The following RHBDD1 variants were observed in gnomAD, a reference collection of about 807,000 sequenced individuals.
RHBDD1 encodes rhomboid-related protein 4.
A neutral mutation model predicts 36.3 loss-of-function variants in RHBDD1; 38 were observed. The ratio of observed to expected loss-of-function variants is 1.05; its 90% CI spans 0.81 to 1.37. The LOEUF is 1.37. Among genes scored for constraint, RHBDD1 ranks in the 40% most tolerant of loss-of-function variants. The pLI, the probability that RHBDD1 is intolerant of heterozygous loss-of-function variation, is 0.00. For missense variants in RHBDD1, 393 were observed against 377.6 expected, an observed-to-expected ratio of 1.04 and a Z score of -0.34; for synonymous variants, 151 against 136.5, an observed-to-expected ratio of 1.11 and a Z score of -0.74.
the RHBDD1 span, among the ~76,000 whole-genome samples, chr2:226,821,692 A>G: frequency 6.6e-6 from 1 of 152,086 alleles, no homozygotes; most frequent in African/African-American, 2.4e-5. Context: ...GCAAAGGTGT[A>G]TATTTCATTC....
At chr2:226,926,127 C>A (rs1379726344) in intron 8 of RHBDD1, among the ~76,000 whole-genome samples, 1 of 151,892 alleles carries the variant, frequency 6.6e-6, no homozygotes, top group Non-Finnish European at 1.5e-5. Context: ...CGCCTGTAAT[C>A]CCAGCACTTT....
chr2:226,953,804 T>A (rs1272555374), intron 8 of RHBDD1, among the ~76,000 whole-genome samples: 6 of 152,138 alleles, frequency 3.9e-5, no homozygotes, highest in Non-Finnish European at 7.4e-5. Context: ...TTTTAATGGG[T>A]TCCAGCGATC....
chr2:226,818,490 A>G, the RHBDD1 span, among the ~76,000 whole-genome samples: 8 of 150,916 alleles, frequency 5.3e-5, no homozygotes, highest in Middle Eastern at 3.2e-3. Flanking sequence ...TTATTTGCCA[A>G]CGTTAAACAT....
chr2:226,814,509 A>G, the RHBDD1 span, among the ~76,000 whole-genome samples: 1 of 152,156 alleles, frequency 6.6e-6, no homozygotes, highest in Non-Finnish European at 1.5e-5. Context: ...CACATCTGAG[A>G]TATAGAGTAA....
At chr2:226,898,205 G>A (rs997463810) in intron 5 of RHBDD1, among the ~76,000 whole-genome samples, 4 of 152,152 alleles carry the variant, frequency 2.6e-5, no homozygotes, top group African/African-American at 9.7e-5. Context: ...CAAAGCCATG[G>A]CAGAATGCGA....
intron 3 of RHBDD1, among the ~76,000 whole-genome samples, chr2:226,851,424 A>G (rs557222971): frequency 5.9e-5 from 9 of 152,248 alleles, no homozygotes; most frequent in African/African-American, 2.2e-4. Flanking sequence ...CCAGTTGTTC[A>G]GGAGGTTGAT....
chr2:226,806,667 A>G, the RHBDD1 span, among the ~76,000 whole-genome samples: 1 of 152,182 alleles, frequency 6.6e-6, no homozygotes, highest in African/African-American at 2.4e-5. Flanking sequence ...ACAACGAAAT[A>G]CAACTTACCC....
intron 8 of RHBDD1, among the ~76,000 whole-genome samples, chr2:226,949,496 G>A (rs1317688936): frequency 2.0e-5 from 3 of 152,156 alleles, no homozygotes; most frequent in African/African-American, 7.2e-5. Flanking sequence ...CTAATAAAGG[G>A]TAGGGCTGAG....
At chr2:226,889,573 T>C (rs1197971620) in intron 5 of RHBDD1, among the ~76,000 whole-genome samples, 1 of 152,212 alleles carries the variant, frequency 6.6e-6, no homozygotes, top group East Asian at 1.9e-4. Flanking sequence ...GAATACAAAT[T>C]AGAAATCAGT....
chr2:226,928,714 A>G (rs1949826657), intron 8 of RHBDD1, among the ~76,000 whole-genome samples: 1 of 152,064 alleles, frequency 6.6e-6, no homozygotes, highest in African/African-American at 2.4e-5. Context: ...TGAAACAGAA[A>G]GTTGGCTCTT....
intron 8 of RHBDD1, among the ~76,000 whole-genome samples, chr2:226,973,581 G>A (rs1953984448): frequency 6.6e-6 from 1 of 152,182 alleles, no homozygotes; most frequent in Non-Finnish European, 1.5e-5. Context: ...TCTCTTCCCT[G>A]CCTAGTCCCC....
the RHBDD1 span, among the ~76,000 whole-genome samples, chr2:226,814,391 A>G: frequency 6.6e-6 from 1 of 152,188 alleles, no homozygotes; most frequent in Non-Finnish European, 1.5e-5. Context: ...ATGTGATTAA[A>G]TAACTTTGAG....
chr2:226,983,347 A>C (rs1956212265), intron 8 of RHBDD1, among the ~76,000 whole-genome samples: 1 of 152,082 alleles, frequency 6.6e-6, no homozygotes, highest in South Asian at 2.1e-4. Flanking sequence ...TTTCTGCGGG[A>C]ATGTGGCACG....
At chr2:226,856,685 A>C (rs911081697) in intron 3 of RHBDD1, among the ~76,000 whole-genome samples, 1 of 152,206 alleles carries the variant, frequency 6.6e-6, no homozygotes. Flanking sequence ...ATAAGAGAGA[A>C]AAAAATGCAT....
At chr2:226,817,752 A>T in the RHBDD1 span, among the ~76,000 whole-genome samples, 1 of 152,224 alleles carries the variant, frequency 6.6e-6, no homozygotes, top group African/African-American at 2.4e-5. Context: ...AACTCCACTC[A>T]TGTTTATGTG....
the RHBDD1 span, among the ~76,000 whole-genome samples, chr2:226,812,633 T>G: frequency 6.7e-6 from 1 of 150,130 alleles, no homozygotes; most frequent in Non-Finnish European, 1.5e-5. Flanking sequence ...ATCATAGATG[T>G]TCTCTCTCTC....
intron 5 of RHBDD1, 27 bp downstream of exon 5, chr2:226,867,345 G>C (rs765267308): frequency 6.3e-6 from 10 of 1,597,234 alleles, no homozygotes; most frequent in Non-Finnish European, 8.5e-6. Context: ...GGGGAATACA[G>C]TTGAAGGACC....
intron 3 of RHBDD1, among the ~76,000 whole-genome samples, chr2:226,855,549 A>G (rs1184604520): frequency 6.6e-6 from 1 of 152,190 alleles, no homozygotes; most frequent in Non-Finnish European, 1.5e-5. Flanking sequence ...AGTCAGAAAG[A>G]TACAGCCAGT....
intron 3 of RHBDD1, among the ~76,000 whole-genome samples, chr2:226,849,578 C>A (rs1942583203): frequency 6.6e-6 from 1 of 152,244 alleles, no homozygotes; most frequent in Admixed American, 6.5e-5. Context: ...AGCCTCCAGA[C>A]CCTGCATTTC....
Sources: allele counts gnomAD v4.1 joint callset (sites outside exome capture counted in the v4.1 genomes callset), GRCh38; gene constraint gnomAD v4.1.1; transcripts MANE v1.5; gene names NCBI Gene and HGNC (gene_info 2026-07-23, HGNC 2026-07-21).